Variants in SP140 observed in about 807,000 individuals in gnomAD.
SP140 encodes SP140 nuclear body protein.
Under a neutral mutation model 125.0 loss-of-function variants are expected in SP140, and 81 were observed. That is an observed-to-expected ratio of 0.65 (90% CI 0.54 to 0.78). The LOEUF is 0.78. Among genes scored for constraint, SP140 ranks in the 30% least tolerant of loss-of-function variants. The probability of loss-of-function intolerance (pLI) is 0.00; values close to 1 mark genes in which losing one functional copy is unlikely to be tolerated. For missense variants in SP140, 858 were observed against 1,037.0 expected (o/e 0.83, Z 2.37); for synonymous variants, 312 against 354.0 (o/e 0.88, Z 1.33).
chr2:230,251,985 G>A (rs1309063463), intron 10 of SP140, among the ~76,000 whole-genome samples: 2 of 152,068 alleles, frequency 1.3e-5, no homozygotes, highest in Non-Finnish European at 2.9e-5. Context: ...GCATGGGTTA[G>A]GGTGGGGTCC....
At chr2:230,264,773 C>G (rs1234568809) in intron 12 of SP140, among the ~76,000 whole-genome samples, 1 of 152,168 alleles carries the variant, frequency 6.6e-6, no homozygotes, top group Admixed American at 6.5e-5. Context: ...GTGAGTCTAC[C>G]AGGCTCCAGG....
At chr2:230,278,020 T>C (rs1339308602) in intron 15 of SP140, among the ~76,000 whole-genome samples, 1 of 152,134 alleles carries the variant, frequency 6.6e-6, no homozygotes, top group Non-Finnish European at 1.5e-5. Flanking sequence ...TTCTGGATTG[T>C]ATGTATTTCT....
chr2:230,248,685 GGGAATTATGT>G (rs1285654844), intron 8 of SP140, among the ~76,000 whole-genome samples, 190 bp from the exon 9 acceptor site: 1 of 152,198 alleles, frequency 6.6e-6, no homozygotes, highest in Non-Finnish European at 1.5e-5. Flanking sequence ...TCAGCTAGGA[GGGAATTATGT>G]GGAGGCAGAA....
chr2:230,268,341 T>A (rs1033083179), intron 12 of SP140, among the ~76,000 whole-genome samples: 2 of 152,048 alleles, frequency 1.3e-5, no homozygotes, highest in Admixed American at 1.3e-4. Flanking sequence ...CTGGCCAACA[T>A]GGAGAAATCC....
At chr2:230,260,814 C>T (rs950866629) in intron 12 of SP140, among the ~76,000 whole-genome samples, 1 of 152,196 alleles carries the variant, frequency 6.6e-6, no homozygotes, top group Admixed American at 6.5e-5. Context: ...TATTTTTGTA[C>T]CAGTACCACT....
intron 22 of SP140, 101 bp downstream of exon 22, chr2:230,297,563 T>A (rs1190571700): frequency 7.3e-7 from 1 of 1,367,782 alleles, no homozygotes; most frequent in Non-Finnish European, 1.0e-6. Flanking sequence ...ATGTTCAGTC[T>A]CAGCTGGAGT....
At chr2:230,189,188 T>C in the SP140 span, among the ~76,000 whole-genome samples, 1 of 152,136 alleles carries the variant, frequency 6.6e-6, no homozygotes, top group Admixed American at 6.5e-5. Context: ...TTATTTTTTG[T>C]TTCAATTTTA....
intron 1 of SP140, chr2:230,203,521 C>T (rs1168150540): frequency 6.6e-6 from 1 of 152,234 alleles, no homozygotes; most frequent in Non-Finnish European, 1.5e-5. Flanking sequence ...CGGTGGGACC[C>T]AGGGCTGGCG....
intron 1 of SP140, among the ~76,000 whole-genome samples, chr2:230,208,308 A>G (rs1328556887): frequency 6.6e-6 from 1 of 152,182 alleles, no homozygotes; most frequent in African/African-American, 2.4e-5. Flanking sequence ...TGTGAAATGA[A>G]GGAGAGAGAT....
At chr2:230,187,729 C>A in the SP140 span, among the ~76,000 whole-genome samples, 1 of 152,100 alleles carries the variant, frequency 6.6e-6, no homozygotes, top group East Asian at 1.9e-4. Flanking sequence ...GTTTTCCCAG[C>A]ACCATTTATT....
chr2:230,292,777 T>C lies in SP140; in HGVS notation c.1957T>C (p.Trp653Arg). ...SVRCGGWPLR[W>R]LMENGFLPDP... Reference sequence around the variant, plus strand: ...GCGCTGTGGCGGGTGGCCCCTACGATGGCTGATGGAGGTATTCCAATGACA... The same window carrying C: ...GCGCTGTGGCGGGTGGCCCCTACGACGGCTGATGGAGGTATTCCAATGACA... The change falls in exon 20 of 27, where the codon TGG becomes CGG. Residue 653 changes from tryptophan (W) to arginine (R), a missense_variant. Coordinates refer to ENST00000392045, the MANE Select transcript of SP140 (RefSeq NM_007237.5). The C allele has an allele frequency of 2.5e-6, 4 of 1,614,044 alleles. No homozygotes were observed. The highest frequency in any genetic ancestry group is 2.2e-5 in the East Asian group (1 of 44,888).
At chr2:230,305,428 G>C (rs1168808297) in intron 22 of SP140, among the ~76,000 whole-genome samples, 1 of 152,230 alleles carries the variant, frequency 6.6e-6, no homozygotes. Flanking sequence ...AGTCTGAAGT[G>C]GCTGCTGCCA....
intron 3 of SP140, among the ~76,000 whole-genome samples, chr2:230,218,621 T>G (rs1047193989): frequency 2.6e-5 from 4 of 152,210 alleles, no homozygotes; most frequent in African/African-American, 9.6e-5. Context: ...TAGAGCTTCC[T>G]CATTCTTCAT....
intron 3 of SP140, 195 bp downstream of exon 3, chr2:230,238,576 C>A: frequency 1.3e-6 from 1 of 747,100 alleles, no homozygotes; most frequent in Non-Finnish European, 2.2e-6. Context: ...GAGTGACAGA[C>A]GTTAACCAAG....
chr2:230,287,717 A>G (rs1008839557), intron 17 of SP140, among the ~76,000 whole-genome samples, 175 bp from the exon 18 acceptor site: 1 of 152,188 alleles, frequency 6.6e-6, no homozygotes, highest in Admixed American at 6.5e-5. Context: ...TATAAAGTGA[A>G]CCTAACATTA....
intron 18 of SP140, 128 bp from the exon 19 acceptor site, chr2:230,290,332 T>G: frequency 1.2e-6 from 1 of 818,974 alleles, no homozygotes; most frequent in Non-Finnish European, 1.9e-6. Context: ...AGAAAGACTT[T>G]GAAACTCTAG....
At chr2:230,246,043 A>G in intron 7 of SP140, 103 bp downstream of exon 7, 2 of 691,152 alleles carry the variant, frequency 2.9e-6, no homozygotes, top group Non-Finnish European at 5.2e-6. Flanking sequence ...GTATTCATCC[A>G]TATATCCATC....
rs978212027 is a variant in SP140, at chr2:230,211,276, C to T, written c.-322-2378C>T. On this transcript the variant is annotated intron_variant, in intron 1 of 4. Coordinates refer to the SP140 transcript ENST00000456542. This position sits in a 1 kb window ranked among gnomAD's most constrained non-coding sequence, Gnocchi z 4.2. The stretch of plus-strand genomic sequence containing the variant: ...CCAGACTTGCCTCCTTTGCCCTCCC[C>T]CAGGGACTCTGTATCCATTCAGAGG... 2.6e-5 allele frequency among the ~76,000 whole-genome samples: 4 copies of T among 152,180 alleles called. No individual in the cohort carries two copies. Among genetic ancestry groups the T allele is most frequent in the African/African-American group, 9.7e-5 (4 of 41,442 alleles).
Position 230,210,078 on chromosome 2 carries a change from G to A in SP140, c.-322-3576G>A. The A allele has an allele frequency of 3.3e-6, 3 of 920,970 alleles. No individual in the cohort carries two copies. The Admixed American group carries it at 5.1e-5, about 16-fold the overall frequency. The allele number at this position is 920,970 out of a possible 1,614,324, so 57.0% of individuals were successfully genotyped here. A position where few individuals can be genotyped will look rare whatever the true frequency, so the allele number is the denominator to read the frequency against. ...AGAGAAAGTGCTGAGGGAAGTCAAT[G>A]CAAGAACTAGAAAAGTAGAAAGTAC... On this transcript the variant is annotated intron_variant, in intron 1 of 4. Transcript: ENST00000456542.
Sources: gnomAD v4.1 joint callset for allele counts (sites outside exome capture counted in the v4.1 genomes callset) on GRCh38, gnomAD v4.1.1 for gene constraint, Gnocchi (gnomAD v3.1) non-coding constraint, MANE v1.5 for transcripts, NCBI Gene and HGNC (gene_info 2026-07-23, HGNC 2026-07-21) for gene names.